Variants in MANBA observed in about 807,000 individuals in gnomAD.
MANBA encodes the protein beta-mannosidase.
MANBA carries 83 observed loss-of-function variants against 111.1 expected under a neutral mutation model. The observed-to-expected ratio is 0.75, with a 90% CI of 0.63 to 0.90. MANBA has a LOEUF of 0.90. MANBA is among the 40% of genes least tolerant of loss of function. The pLI is 0.00. For synonymous variants in MANBA, 370 were observed against 378.7 expected (o/e 0.98, Z 0.27); for missense variants, 1,036 against 1,069.0 (o/e 0.97, Z 0.43).
At chr4:102,651,095 G>A (rs528620470) in intron 12 of MANBA, among the ~76,000 whole-genome samples, 1 of 151,614 alleles carries the variant, frequency 6.6e-6, no homozygotes, top group South Asian at 2.1e-4. Context: ...TTAATAGAAT[G>A]CAATCAACAC....
At position 102,699,608 on chromosome 4, in the gene MANBA, G is replaced by A. The variant is rs188686073; in HGVS notation, c.674-8837C>T. Among the ~76,000 whole-genome samples the A allele has an allele frequency of 9.4e-3, 1,413 of 150,982 alleles. 80 individuals carry two copies. The highest frequency in any genetic ancestry group is 0.033 in the African/African-American group (1,342 of 40,460). On this transcript the variant is annotated intron_variant, in intron 5 of 16. Coordinates refer to ENST00000647097, the MANE Select transcript of MANBA (RefSeq NM_005908.4). The stretch of plus-strand genomic sequence containing the variant: ...GTCAAAGGCCTTTTCTGCATCTATA[G>A]AGATAATCATGTGGTTTTTGTCTTT...
intron 1 of MANBA, among the ~76,000 whole-genome samples, chr4:102,737,025 A>C (rs1723238490): frequency 6.6e-6 from 1 of 152,142 alleles, no homozygotes; most frequent in Non-Finnish European, 1.5e-5. Context: ...GCAAAATATA[A>C]TAGTACCGAG....
chr4:102,650,394 T>C, intron 13 of MANBA, 143 bp downstream of exon 13: 2 of 848,710 alleles, frequency 2.4e-6, no homozygotes, highest in Non-Finnish European at 3.8e-6. Flanking sequence ...TGTGTCATCA[T>C]ATATGTTCTT....
chr4:102,726,992 G>A (rs1722835405), intron 1 of MANBA, among the ~76,000 whole-genome samples: 1 of 152,194 alleles, frequency 6.6e-6, no homozygotes, highest in African/African-American at 2.4e-5. Context: ...GGCCAAGCTG[G>A]TCTCAAACTC....
At chr4:102,717,324 G>A (rs1284607730) in intron 4 of MANBA, among the ~76,000 whole-genome samples, 1 of 150,230 alleles carries the variant, frequency 6.7e-6, no homozygotes, top group Non-Finnish European at 1.5e-5. Context: ...AACATACAGT[G>A]AGAGGTTGAG....
intron 5 of MANBA, among the ~76,000 whole-genome samples, chr4:102,691,228 A>G (rs967095917): frequency 6.6e-6 from 1 of 152,068 alleles, no homozygotes; most frequent in South Asian, 2.1e-4. Flanking sequence ...AAATTAATCA[A>G]ATGTGAAAAA....
intron 12 of MANBA, among the ~76,000 whole-genome samples, chr4:102,652,069 A>G (rs1730359087): frequency 6.6e-6 from 1 of 152,220 alleles, no homozygotes; most frequent in Non-Finnish European, 1.5e-5. Flanking sequence ...CAAATTCATC[A>G]CCTCAAACAT....
intron 1 of MANBA, chr4:102,752,236 G>T: frequency 1.0e-6 from 1 of 984,018 alleles, no homozygotes; most frequent in Non-Finnish European, 1.6e-6. Flanking sequence ...AGGATGTTGA[G>T]TCTGACAGTC....
Position 102,664,699 on chromosome 4 carries a change from C to T in MANBA, c.1471G>A (p.Glu491Lys), listed in dbSNP as rs1578882546. The T allele has an allele frequency of 3.1e-6, 5 of 1,612,710 alleles. No homozygotes were observed. The highest frequency in any genetic ancestry group is 1.6e-4 in the Middle Eastern group (1 of 6,084). ...TCATTACTTACTGCCAGTACGAGCT[C>T]TCTGATGTTTTTCACATAGAGTGTC... is the stretch of plus-strand genomic sequence containing the variant. ...YVTLYVKNIR[E>K]LVLAGDKSRP... is the part of the protein sequence containing the mutation. The change falls in exon 11 of 17, where the codon GAG (glutamate) becomes AAG (lysine). Residue 491 changes from glutamate (E) to lysine (K), a missense_variant. By Grantham distance (56) the Glu-to-Lys change is moderately conservative (BLOSUM62 1). Coordinates refer to ENST00000647097, the MANE Select transcript of MANBA (RefSeq NM_005908.4).
intron 1 of MANBA, among the ~76,000 whole-genome samples, chr4:102,758,360 G>T (rs892681608): frequency 6.6e-6 from 1 of 152,124 alleles, no homozygotes; most frequent in African/African-American, 2.4e-5. Flanking sequence ...ATAAATGAAT[G>T]ATATCACCAA....
chr4:102,737,131 A>G (rs1445177805), intron 1 of MANBA, among the ~76,000 whole-genome samples: 1 of 152,208 alleles, frequency 6.6e-6, no homozygotes, highest in East Asian at 1.9e-4. Flanking sequence ...GAAGGCACCC[A>G]GCAGAACTGG....
chr4:102,751,776 T>C, intron 1 of MANBA: 1 of 525,778 alleles, frequency 1.9e-6, no homozygotes, highest in South Asian at 1.4e-5. Flanking sequence ...TCAAATCCGG[T>C]CCTTGGAAAG....
Position 102,632,119 on chromosome 4 carries a change from G to A in MANBA, c.2578C>T (p.Pro860Ser). Residue 860 changes from proline (P) to serine (S), a missense_variant, in exon 17 of 17, where the codon CCC becomes TCC. By Grantham distance (74) the Pro-to-Ser change is moderately conservative. Transcript: ENST00000647097. ...TGCTCCAACTCATTCTTGCTGGTGG[G>A]CTCCCAAGGGTAAAATAATATAGTT... ...TRTILFYPWE[P>S]TSKNELEQSF... 6.2e-7 allele frequency: 1 copy of A among 1,612,932 alleles called. No individual in the cohort carries two copies. The highest frequency in any genetic ancestry group is 8.5e-7 in the Non-Finnish European group (1 of 1,179,412).
chr4:102,702,485 G>GT (rs1418305813), intron 5 of MANBA, among the ~76,000 whole-genome samples: 1 of 152,008 alleles, frequency 6.6e-6, no homozygotes, highest in African/African-American at 2.4e-5. Flanking sequence ...AATCTTTGCG[G>GT]TTTTATCTAC....
chr4:102,721,157 C>T (rs1401364989), intron 4 of MANBA, among the ~76,000 whole-genome samples: 3 of 152,120 alleles, frequency 2.0e-5, no homozygotes, highest in Admixed American at 6.5e-5. Context: ...AACTCCGTCT[C>T]TACTAAAAAT....
intron 1 of MANBA, among the ~76,000 whole-genome samples, chr4:102,731,019 A>G (rs1344854028): frequency 6.6e-6 from 1 of 152,096 alleles, no homozygotes; most frequent in Non-Finnish European, 1.5e-5. Context: ...CAATTGGGTC[A>G]GCTCAAACTG....
chr4:102,752,399 C>T, intron 1 of MANBA: 1 of 1,085,068 alleles, frequency 9.2e-7, no homozygotes, highest in Non-Finnish European at 1.4e-6. Context: ...TCCCTAACTT[C>T]AAATACAGGT....
intron 5 of MANBA, among the ~76,000 whole-genome samples, chr4:102,695,859 T>C (rs1732683828): frequency 6.6e-6 from 1 of 152,138 alleles, no homozygotes; most frequent in Admixed American, 6.6e-5. Flanking sequence ...GTCGAATATA[T>C]TCAATGTAAA....
In MANBA at chr4:102,697,647, GATTTCC is replaced by G. The variant is rs1732789272; in HGVS notation, c.674-6882_674-6877del. 2.0e-5 allele frequency among the ~76,000 whole-genome samples: 3 copies of G among 149,164 alleles called. No homozygotes were observed. In the South Asian group the frequency reaches 6.5e-4, roughly 32 times the overall value. On this transcript the variant is annotated intron_variant, in intron 5 of 16. Coordinates refer to ENST00000647097, the MANE Select transcript of MANBA (RefSeq NM_005908.4). ...CTTGCGATAGTTTACTGAGAATGAT[GATTTCC>G]AATTTCATCCATGTCCCTACAAAGG...
Sources: allele counts gnomAD v4.1 joint callset (sites outside exome capture counted in the v4.1 genomes callset), GRCh38; gene constraint gnomAD v4.1.1; transcripts MANE v1.5; gene names NCBI Gene and HGNC (gene_info 2026-07-23, HGNC 2026-07-21).